Variants in ARMH4 observed in about 807,000 individuals in gnomAD.
The protein encoded by ARMH4 is armadillo like helical domain containing 4, also known as armadillo-like helical domain-containing protein 4.
ARMH4 carries 49 observed loss-of-function variants against 61.9 expected under a neutral mutation model. The ratio of observed to expected loss-of-function variants is 0.79; its 90% CI spans 0.63 to 1.00. The LOEUF is 1.00. ARMH4 is among the 50% of genes least tolerant of loss of function. The pLI is 0.00. For synonymous variants in ARMH4, 368 were observed against 341.5 expected (o/e 1.08, Z -0.85); for missense variants, 934 against 930.0 (o/e 1.00, Z -0.06).
At chr14:58,010,556 G>A (rs541462786) in intron 6 of ARMH4, among the ~76,000 whole-genome samples, 6 of 151,622 alleles carry the variant, frequency 4.0e-5, no homozygotes, top group South Asian at 4.2e-4. Context: ...AAAATACTAC[G>A]GAAGAAAGTG....
At chr14:58,123,896 G>A (rs1037143533) in intron 4 of ARMH4, among the ~76,000 whole-genome samples, 7 of 152,168 alleles carry the variant, frequency 4.6e-5, no homozygotes, top group African/African-American at 1.4e-4. Flanking sequence ...CCACCCAAGC[G>A]CTCTTAAATT....
At chr14:58,043,708 A>T (rs983950412) in intron 5 of ARMH4, among the ~76,000 whole-genome samples, 3 of 152,338 alleles carry the variant, frequency 2.0e-5, no homozygotes, top group Non-Finnish European at 2.9e-5. Context: ...AGAAAACCCC[A>T]TCGTCTCAGC....
chr14:58,066,958 T>C (rs560498426), intron 5 of ARMH4, among the ~76,000 whole-genome samples: 3 of 152,292 alleles, frequency 2.0e-5, no homozygotes, highest in Admixed American at 1.3e-4. Context: ...TAATCTACAA[T>C]GTAACTTAGA....
chr14:58,015,466 T>G (rs915756296), intron 5 of ARMH4, among the ~76,000 whole-genome samples: 1 of 152,162 alleles, frequency 6.6e-6, no homozygotes, highest in African/African-American at 2.4e-5. Flanking sequence ...CGGAGCGCCA[T>G]GCCTTGTGCT....
intron 5 of ARMH4, among the ~76,000 whole-genome samples, chr14:58,065,827 A>G (rs1027706620): frequency 1.3e-5 from 2 of 152,258 alleles, no homozygotes; most frequent in African/African-American, 4.8e-5. Context: ...GCTTTGATGA[A>G]GCAAGCTGTT....
chr14:58,064,775 A>C (rs1245255555), intron 5 of ARMH4, among the ~76,000 whole-genome samples: 3 of 152,210 alleles, frequency 2.0e-5, no homozygotes, highest in Non-Finnish European at 4.4e-5. Context: ...AGCAGGGTTA[A>C]CACTATTTGG....
chr14:58,069,290 T>C (rs776770102), intron 5 of ARMH4, among the ~76,000 whole-genome samples: 1 of 152,230 alleles, frequency 6.6e-6, no homozygotes, highest in Non-Finnish European at 1.5e-5. Flanking sequence ...CAATCACTTA[T>C]TGAGCCCTGA....
At position 58,139,330 on chromosome 14, in the gene ARMH4, C is replaced by T; in HGVS notation, c.29G>A (p.Cys10Tyr). 5 of 1,614,118 alleles carry T rather than the reference C, an allele frequency of 3.1e-6. No individual in the cohort carries two copies. Among genetic ancestry groups the T allele is most frequent in the Non-Finnish European group, 4.2e-6 (5 of 1,180,026 alleles). Residue 10 changes from cysteine to tyrosine, a missense_variant, in exon 2 of 8, where the codon TGT becomes TAT. Physicochemically the swap from Cys to Tyr is radical, Grantham distance 194 (BLOSUM62 -2). Coordinates refer to ENST00000267485, the MANE Select transcript of ARMH4 (RefSeq NM_001001872.4). Reference sequence around the variant, plus strand: ...AAGCAGAAGGCTACAGAAAGCCAGACAAATGTGCAATACAATCGGTCCTCT... The same window carrying T: ...AAGCAGAAGGCTACAGAAAGCCAGATAAATGTGCAATACAATCGGTCCTCT... MRGPIVLHI[C>Y]LAFCSLLLFS...
At chr14:58,051,571 G>A (rs1884143979) in intron 5 of ARMH4, among the ~76,000 whole-genome samples, 1 of 152,206 alleles carries the variant, frequency 6.6e-6, no homozygotes, top group Admixed American at 6.5e-5. Context: ...CATTCATTCA[G>A]AGAACCTTTA....
chr14:58,086,149 C>G (rs1307556746), intron 5 of ARMH4, among the ~76,000 whole-genome samples: 1 of 152,184 alleles, frequency 6.6e-6, no homozygotes, highest in Admixed American at 6.5e-5. Flanking sequence ...AATTGCTCAA[C>G]CACTCCATGA....
At chr14:58,012,088 A>G in intron 6 of ARMH4, 31 bp downstream of exon 6, 1 of 1,450,668 alleles carries the variant, frequency 6.9e-7, no homozygotes, top group Non-Finnish European at 9.5e-7. Flanking sequence ...GCCCCTAAAA[A>G]TAAACCAATG....
rs528296078 is a variant in ARMH4, at chr14:58,096,280, C to T, written c.2089+444G>A. On this transcript the variant is annotated intron_variant, in intron 5 of 7. Transcript: ENST00000267485. ...GGTAATAGATTCCCAAAGGACAGAG[C>T]GGAACAAAAAATGCATTTGTTCTTC... 1.2e-4 allele frequency among the ~76,000 whole-genome samples: 18 copies of T among 152,300 alleles called. No individual in the cohort carries two copies. In the East Asian group the frequency reaches 1.4e-3, roughly 11 times the overall value.
At position 58,138,997 on chromosome 14, in the gene ARMH4, G is replaced by T; in HGVS notation, c.362C>A (p.Ser121Ter). 1 of 1,614,248 alleles carries T rather than the reference G, an allele frequency of 6.2e-7. No individual in the cohort carries two copies. Among genetic ancestry groups the T allele is most frequent in the Non-Finnish European group, 8.5e-7 (1 of 1,180,042 alleles). Reference protein sequence around the residue: ...VSTPTESGVPSAEEVFGSSQP... With the variant: ...VSTPTESGVP ...GCTGGAACCAAATACTTCTTCAGCT[G>T]AGGGGACACCTGACTCAGTAGGTGT... Residue 121 changes from serine to a stop codon, truncating the protein, a stop_gained, in exon 2 of 8, where the codon TCA becomes TAA. Transcript: ENST00000267485. LOFTEE classifies it high-confidence loss of function.
chr14:58,028,395 G>A (rs1044312627), intron 5 of ARMH4, among the ~76,000 whole-genome samples: 4 of 152,184 alleles, frequency 2.6e-5, no homozygotes, highest in African/African-American at 9.7e-5. Flanking sequence ...TAATCTCTGA[G>A]TTGGGGATTC....
At chr14:58,141,332 A>G in intron 1 of ARMH4, 1 of 481,310 alleles carries the variant, frequency 2.1e-6, no homozygotes, top group Non-Finnish European at 4.2e-6. Flanking sequence ...CTTGAGGTCA[A>G]GCCCACCGAC....
chr14:58,054,878 A>AT lies in ARMH4; in HGVS notation c.2089+41845_2089+41846insA, dbSNP rs199980099. On this transcript the variant is annotated intron_variant, in intron 5 of 7. Transcript: ENST00000267485. Reference sequence around the variant, plus strand: ...GAGAAGGACTCTGTCTCAAAAAAAAAAAAAAAATAATAATAATAATAATAA... The same window carrying AT: ...GAGAAGGACTCTGTCTCAAAAAAAAATAAAAAAATAATAATAATAATAATAA... 8.1e-4 allele frequency among the ~76,000 whole-genome samples: 104 copies of AT among 128,628 alleles called. 2 individuals carry two copies. Among genetic ancestry groups the AT allele is most frequent in the Admixed American group, 3.2e-3 (45 of 13,998 alleles). 84.4% of individuals were successfully genotyped at this position (128,628 alleles called of 152,430 possible). A position where few individuals can be genotyped will look rare whatever the true frequency, so the allele number is the denominator to read the frequency against.
intron 5 of ARMH4, among the ~76,000 whole-genome samples, chr14:58,063,349 C>T (rs1884592319): frequency 6.6e-6 from 1 of 152,108 alleles, no homozygotes; most frequent in African/African-American, 2.4e-5. Flanking sequence ...ACTTTATTTC[C>T]AACTAAGGTC....
chr14:58,102,808 A>G (rs1315559761), intron 4 of ARMH4, among the ~76,000 whole-genome samples: 2 of 99,596 alleles, frequency 2.0e-5, no homozygotes, highest in Non-Finnish European at 3.8e-5. Context: ...ACAGAGCGAG[A>G]CTCCGTCTCA....
chr14:58,094,396 A>ACAGAGCTTT (rs1885679392), intron 5 of ARMH4, among the ~76,000 whole-genome samples: 1 of 151,878 alleles, frequency 6.6e-6, no homozygotes, highest in Admixed American at 6.6e-5. Flanking sequence ...CAGGAGGACA[A>ACAGAGCTTT]CAGAGCTTTT....
Sources: allele counts gnomAD v4.1 joint callset (sites outside exome capture counted in the v4.1 genomes callset), GRCh38; gene constraint gnomAD v4.1.1; transcripts MANE v1.5; gene names NCBI Gene and HGNC (gene_info 2026-07-23, HGNC 2026-07-21).